The following PLCB4 variants were observed in gnomAD, a reference collection of about 807,000 sequenced individuals.
PLCB4 encodes phospholipase C beta 4.
In PLCB4, 77 loss-of-function variants were observed where a neutral mutation model predicts 178.8. The observed-to-expected ratio is 0.43, with a 90% confidence interval of 0.36 to 0.52. PLCB4 has a LOEUF of 0.52. Among genes scored for constraint, PLCB4 ranks in the 20% least tolerant of loss-of-function variants. PLCB4 has a pLI of 0.00. For synonymous variants in PLCB4, 496 were observed against 490.8 expected (o/e 1.01, Z -0.14); for missense variants, 1,024 against 1,453.4 (o/e 0.70, Z 4.80).
intron 3 of PLCB4, among the ~76,000 whole-genome samples, chr20:9,301,270 G>A (rs1002523353): frequency 6.6e-6 from 1 of 151,638 alleles, no homozygotes; most frequent in Admixed American, 6.6e-5. Context: ...GTATCTTTTG[G>A]GGGCCATTTA....
intron 35 of PLCB4, among the ~76,000 whole-genome samples, chr20:9,460,573 G>A (rs1364763603): frequency 1.3e-5 from 2 of 152,190 alleles, no homozygotes; most frequent in African/African-American, 4.8e-5. Context: ...GCCATGAGCT[G>A]GACTTATCCC....
At chr20:9,407,019 A>G (rs956138062) in intron 21 of PLCB4, among the ~76,000 whole-genome samples, 12 of 152,210 alleles carry the variant, frequency 7.9e-5, no homozygotes, top group African/African-American at 2.9e-4. Flanking sequence ...AATATGTCCT[A>G]TGCAGCAAGT....
Position 9,276,128 on chromosome 20 carries a change from A to G in PLCB4, c.-15-31672A>G, listed in dbSNP as rs369270721. Reference sequence around the variant, plus strand: ...GACCACAAACATGTAATGGCTTGAAAATATTTATCTTTGCTCATATAACAA... The same window carrying G: ...GACCACAAACATGTAATGGCTTGAAGATATTTATCTTTGCTCATATAACAA... On this transcript the variant is annotated intron_variant, in intron 3 of 39. Transcript: ENST00000378473. 6.6e-5 allele frequency among the ~76,000 whole-genome samples: 10 copies of G among 152,162 alleles called. No individual in the cohort carries two copies. The South Asian group carries it at 1.5e-3, about 22-fold the overall frequency.
At chr20:9,273,044 T>C (rs1278676818) in intron 3 of PLCB4, among the ~76,000 whole-genome samples, 2 of 152,108 alleles carry the variant, frequency 1.3e-5, no homozygotes, top group Non-Finnish European at 2.9e-5. Flanking sequence ...CCTTCAGGAA[T>C]GGGGGCATTA....
At chr20:9,102,359 A>G (rs2091190121) in intron 2 of PLCB4, among the ~76,000 whole-genome samples, 2 of 152,222 alleles carry the variant, frequency 1.3e-5, no homozygotes, top group South Asian at 2.1e-4. Flanking sequence ...ATACAAAATC[A>G]TCTTAGATTA....
intron 2 of PLCB4, among the ~76,000 whole-genome samples, chr20:9,216,505 C>T (rs1418689109): frequency 5.3e-5 from 8 of 151,560 alleles, no homozygotes; most frequent in Non-Finnish European, 1.2e-4. Context: ...GCGTGAGCCA[C>T]TGCGCCCGGC....
intron 2 of PLCB4, among the ~76,000 whole-genome samples, chr20:9,110,248 CA>C (rs904718648): frequency 1.3e-5 from 2 of 151,534 alleles, no homozygotes; most frequent in African/African-American, 4.8e-5. Flanking sequence ...GAAGAAATGC[CA>C]AAAATATATT....
rs1398111104 is a variant in PLCB4 at position 9,264,950 on chromosome 20, C to T, written c.-15-42850C>T. On this transcript the variant is annotated intron_variant, in intron 3 of 39. Coordinates refer to ENST00000378473, the MANE Select transcript of PLCB4 (RefSeq NM_001377142.1). ...GTGGGCAGACAGGCTTGTCAAAATGCGTTTTCCCAGATGCCATCCCAAGAC... is the reference window on the plus strand; with the variant it reads ...GTGGGCAGACAGGCTTGTCAAAATGTGTTTTCCCAGATGCCATCCCAAGAC... Among the ~76,000 whole-genome samples the T allele has an allele frequency of 5.9e-5, 9 of 152,262 alleles. No homozygotes were observed. In the South Asian group the frequency reaches 1.0e-3, roughly 18 times the overall value.
intron 2 of PLCB4, among the ~76,000 whole-genome samples, chr20:9,176,512 A>T (rs924771851): frequency 6.6e-6 from 1 of 152,196 alleles, no homozygotes; most frequent in Non-Finnish European, 1.5e-5. Context: ...AGACAAATAG[A>T]AAAAAACCTT....
At chr20:9,201,621 T>TA (rs1330646192) in intron 2 of PLCB4, among the ~76,000 whole-genome samples, 1 of 152,148 alleles carries the variant, frequency 6.6e-6, no homozygotes, top group Non-Finnish European at 1.5e-5. Context: ...AAGGTAGAAA[T>TA]ACATGGTACT....
intron 7 of PLCB4, among the ~76,000 whole-genome samples, chr20:9,354,431 C>T (rs1463284359): frequency 6.6e-6 from 1 of 152,228 alleles, no homozygotes; most frequent in South Asian, 2.1e-4. Flanking sequence ...ACCAGGTGCT[C>T]TGATACTAGC....
intron 3 of PLCB4, among the ~76,000 whole-genome samples, chr20:9,282,852 A>C (rs553629311): frequency 3.9e-5 from 6 of 151,990 alleles, no homozygotes; most frequent in Non-Finnish European, 8.8e-5. Flanking sequence ...TGAGACTTCT[A>C]TGTGGCCTCT....
intron 7 of PLCB4, among the ~76,000 whole-genome samples, chr20:9,343,710 G>C (rs758921485): frequency 6.6e-6 from 1 of 152,096 alleles, no homozygotes; most frequent in Non-Finnish European, 1.5e-5. Flanking sequence ...TCCTCTACCG[G>C]TAAGTCCCAA....
chr20:9,259,855 A>G, intron 3 of PLCB4, among the ~76,000 whole-genome samples: 1 of 152,128 alleles, frequency 6.6e-6, no homozygotes, highest in East Asian at 1.9e-4. Context: ...GATTACATGA[A>G]TTGATAATAT....
chr20:9,393,345 G>T (rs1234741448), intron 17 of PLCB4, among the ~76,000 whole-genome samples: 1 of 152,188 alleles, frequency 6.6e-6, no homozygotes, highest in African/African-American at 2.4e-5. Context: ...CACTGGGGAG[G>T]TTGGAGCAGC....
intron 7 of PLCB4, among the ~76,000 whole-genome samples, chr20:9,343,395 C>T (rs2033451980): frequency 6.6e-6 from 1 of 152,154 alleles, no homozygotes; most frequent in South Asian, 2.1e-4. Flanking sequence ...TTCTACTTCT[C>T]AAAGAGGGTC....
chr20:9,326,225 T>C (rs1156534474), intron 4 of PLCB4, among the ~76,000 whole-genome samples: 2 of 152,190 alleles, frequency 1.3e-5, no homozygotes, highest in African/African-American at 4.8e-5. Context: ...TTTTTAAATA[T>C]ATAATATGAG....
At chr20:9,469,087 T>A (rs1335343611) in intron 36 of PLCB4, among the ~76,000 whole-genome samples, 1 of 152,076 alleles carries the variant, frequency 6.6e-6, no homozygotes, top group Non-Finnish European at 1.5e-5. Context: ...TTTGAGCGAT[T>A]CTCCTGCCTG....
chr20:9,207,164 C>T (rs181710742), intron 2 of PLCB4, among the ~76,000 whole-genome samples: 1 of 152,248 alleles, frequency 6.6e-6, no homozygotes. Context: ...CAAACGATAC[C>T]ACAAAGCATC....
Sources: gnomAD v4.1 joint callset for allele counts (sites outside exome capture counted in the v4.1 genomes callset) on GRCh38, gnomAD v4.1.1 for gene constraint, MANE v1.5 for transcripts, NCBI Gene and HGNC (gene_info 2026-07-23, HGNC 2026-07-21) for gene names.